Variants in SIK3 observed in about 807,000 individuals in gnomAD.
The protein encoded by SIK3 is SIK family kinase 3, also known as serine/threonine-protein kinase SIK3.
SIK3 carries 28 observed loss-of-function variants against 144.2 expected under a neutral mutation model. The ratio of observed to expected loss-of-function variants is 0.19; its 90% confidence interval spans 0.14 to 0.27. The LOEUF (loss-of-function observed/expected upper bound fraction) is 0.27, where lower values mean the gene tolerates loss of function less well. Among genes scored for constraint, SIK3 ranks in the 10% least tolerant of loss-of-function variants. The pLI, the probability that SIK3 is intolerant of heterozygous loss-of-function variation, is 1.00. For synonymous variants in SIK3, 686 were observed against 676.3 expected (o/e 1.01, Z -0.22); for missense variants, 1,319 against 1,776.0 (o/e 0.74, Z 4.62).
At chr11:117,013,915 G>GGTGTGTGTGTGTGTGTGTGT (rs71037441) in intron 1 of SIK3, among the ~76,000 whole-genome samples, 1 of 23,616 alleles carries the variant, frequency 4.2e-5, no homozygotes, top group African/African-American at 8.7e-5. Flanking sequence ...GGGGGGGGAG[G>GGTGTGTGTGTGTGTGTGTGT]GTGTGTGTGT....
At chr11:117,073,196 G>C (rs73006585) in intron 1 of SIK3, among the ~76,000 whole-genome samples, 4,292 of 152,312 alleles carry the variant, frequency 0.028, 92 homozygotes, top group Non-Finnish European at 0.044. Context: ...TGCACAGCAA[G>C]TGCATTACTT....
chr11:116,861,452 A>G, intron 18 of SIK3, 69 bp from the exon 19 acceptor site: 3 of 1,165,382 alleles, frequency 2.6e-6, no homozygotes, highest in African/African-American at 1.5e-5. Context: ...AGTTTCAGCC[A>G]TACAACATAT....
intron 1 of SIK3, among the ~76,000 whole-genome samples, chr11:116,959,857 CAAT>C (rs1320729990): frequency 6.6e-6 from 1 of 152,146 alleles, no homozygotes; most frequent in Non-Finnish European, 1.5e-5. Flanking sequence ...TCTGTACTAG[CAAT>C]AATGCCTTTT....
chr11:117,095,700 C>T (rs1007836302), intron 1 of SIK3, among the ~76,000 whole-genome samples: 7 of 152,202 alleles, frequency 4.6e-5, no homozygotes, highest in African/African-American at 1.7e-4. Flanking sequence ...AAAATATGCT[C>T]CTAGTTCACC....
intron 4 of SIK3, among the ~76,000 whole-genome samples, chr11:116,899,357 C>T (rs1428016494): frequency 1.3e-5 from 2 of 152,022 alleles, no homozygotes; most frequent in Non-Finnish European, 2.9e-5. Context: ...CAGTACCATG[C>T]TGTTTTGGTT....
At chr11:116,974,290 T>C (rs1025915114) in intron 1 of SIK3, among the ~76,000 whole-genome samples, 13 of 152,360 alleles carry the variant, frequency 8.5e-5, no homozygotes, top group East Asian at 3.9e-4. Flanking sequence ...AAACAACAGC[T>C]TTCTGCTTTC....
intron 1 of SIK3, among the ~76,000 whole-genome samples, chr11:117,023,019 T>C (rs903626999): frequency 3.3e-5 from 5 of 152,172 alleles, no homozygotes; most frequent in African/African-American, 7.2e-5. Context: ...TCCTTCTTGA[T>C]AGAAATGCCA....
At chr11:117,024,601 T>C (rs1401479916) in intron 1 of SIK3, among the ~76,000 whole-genome samples, 2 of 151,848 alleles carry the variant, frequency 1.3e-5, no homozygotes, top group Admixed American at 6.6e-5. Flanking sequence ...GGCTGAAAAA[T>C]TCCTTAAAAA....
At chr11:116,982,268 C>A (rs1950165272) in intron 1 of SIK3, among the ~76,000 whole-genome samples, 1 of 151,392 alleles carries the variant, frequency 6.6e-6, no homozygotes, top group Non-Finnish European at 1.5e-5. Flanking sequence ...ACCTTCAGGG[C>A]TTCCTCTGCC....
chr11:116,872,984 G>A (rs941454846), intron 13 of SIK3, among the ~76,000 whole-genome samples: 5 of 152,240 alleles, frequency 3.3e-5, no homozygotes, highest in Non-Finnish European at 7.3e-5. Context: ...TAAGATAACT[G>A]ACTCGGCTAA....
intron 1 of SIK3, among the ~76,000 whole-genome samples, chr11:117,011,306 C>T (rs954555851): frequency 2.6e-5 from 4 of 151,846 alleles, no homozygotes; most frequent in African/African-American, 7.3e-5. Context: ...TAAACCACAG[C>T]GGAGTGAGAA....
rs566807651 is a variant in SIK3 at position 116,981,758 on chromosome 11, A to G, written c.274-24694T>C. On this transcript the variant is annotated intron_variant, in intron 1 of 24. Coordinates refer to ENST00000445177, the MANE Select transcript of SIK3 (RefSeq NM_001366686.3). ...CCAGGCGTGGTAGCTCATGCCTATAATCCCAGCACTTTGGGAGGCCGGGGC... is the reference window on the plus strand; with the variant it reads ...CCAGGCGTGGTAGCTCATGCCTATAGTCCCAGCACTTTGGGAGGCCGGGGC... Among the ~76,000 whole-genome samples the G allele has an allele frequency of 2.6e-5, 4 of 152,310 alleles. No individual in the cohort carries two copies. The South Asian group carries it at 8.3e-4, about 32-fold the overall frequency.
intron 1 of SIK3, among the ~76,000 whole-genome samples, chr11:117,057,805 T>TCTCA (rs1384334207): frequency 6.6e-6 from 1 of 152,180 alleles, no homozygotes; most frequent in African/African-American, 2.4e-5. Context: ...ATGCAGATAA[T>TCTCA]TCTAGGTCCT....
chr11:116,875,378 A>G lies in SIK3; in HGVS notation c.1313T>C (p.Val438Ala). The G allele has an allele frequency of 6.2e-7, 1 of 1,614,236 alleles. No individual in the cohort carries two copies. The change falls in exon 10 of 25, where the codon GTG (valine) becomes GCG (alanine). Residue 438 changes from valine (V) to alanine (A), a missense_variant. Physicochemically the swap from Val to Ala is moderately conservative, Grantham distance 64. This residue lies in a region of SIK3 where 167 missense variants were observed against 263.3 expected (regional missense o/e 0.63). Transcript: ENST00000445177. The stretch of plus-strand genomic sequence containing the variant: ...CTCCCACAGGTTGCTACTTGCCTCC[A>G]CAATTTGGTTCTCTGGGTTGATCAG... ...VQLINPENQI[V>A]EPDGTLNLDS...
chr11:116,887,004 T>C (rs59491594), intron 6 of SIK3, among the ~76,000 whole-genome samples: 3,798 of 152,328 alleles, frequency 0.025, 89 homozygotes, highest in South Asian at 0.11. Flanking sequence ...ATCAAACTTA[T>C]TTTACTTAAG....
chr11:116,930,771 C>A lies in SIK3; in HGVS notation c.455-3391G>T, dbSNP rs568253204. On this transcript the variant is annotated intron_variant, in intron 3 of 24. Coordinates refer to ENST00000445177, the MANE Select transcript of SIK3 (RefSeq NM_001366686.3). ...GCCCCTAGCTAGAGTCCTGCCCCCT[C>A]CCCACCCCCACCAATCTAAACAAAC... is the stretch of plus-strand genomic sequence containing the variant. Among the ~76,000 whole-genome samples, 18 of 152,030 alleles carry A rather than the reference C, an allele frequency of 1.2e-4. No individual in the cohort carries two copies. In the South Asian group the frequency reaches 2.9e-3, roughly 25 times the overall value.
intron 9 of SIK3, 115 bp downstream of exon 9, chr11:116,875,751 G>A (rs1412519972): frequency 8.0e-7 from 1 of 1,254,344 alleles, no homozygotes; most frequent in African/African-American, 1.5e-5. Flanking sequence ...CAAATGGGAG[G>A]AGACAGAGGT....
intron 3 of SIK3, among the ~76,000 whole-genome samples, chr11:116,951,645 C>T (rs1027863256): frequency 1.3e-5 from 2 of 152,182 alleles, no homozygotes; most frequent in African/African-American, 4.8e-5. Context: ...CTCTCTAATA[C>T]TGCTTCCTGC....
intron 6 of SIK3, among the ~76,000 whole-genome samples, chr11:116,888,327 G>A (rs565543759): frequency 7.2e-5 from 11 of 152,266 alleles, no homozygotes; most frequent in South Asian, 4.1e-4. Flanking sequence ...AATAGCAGCT[G>A]GCCTCACAGG....
Sources: gnomAD v4.1 joint callset for allele counts (sites outside exome capture counted in the v4.1 genomes callset) on GRCh38, gnomAD v4.1.1 for gene constraint, gnomAD v4.1.1 regional missense constraint, MANE v1.5 for transcripts, NCBI Gene and HGNC (gene_info 2026-07-23, HGNC 2026-07-21) for gene names.